The following IL1R1 variants were observed in gnomAD, a reference collection of about 807,000 sequenced individuals.
The protein encoded by IL1R1 is interleukin 1 receptor type 1.
A neutral mutation model predicts 50.2 loss-of-function variants in IL1R1; 22 were observed. The observed-to-expected ratio is 0.44, with a 90% CI of 0.31 to 0.63. The LOEUF is 0.63. Among genes scored for constraint, IL1R1 ranks in the 20% least tolerant of loss-of-function variants. The pLI is 0.07. For synonymous variants in IL1R1, 251 were observed against 236.7 expected, an observed-to-expected ratio of 1.06 and a Z score of -0.55; for missense variants, 509 against 676.2, an observed-to-expected ratio of 0.75 and a Z score of 2.74.
chr2:102,099,077 C>T (rs150273670), intron 1 of IL1R1, among the ~76,000 whole-genome samples: 3 of 152,120 alleles, frequency 2.0e-5, no homozygotes, highest in African/African-American at 4.8e-5. Flanking sequence ...AAAAAGGCAC[C>T]GCGCCCAAAG....
At chr2:102,122,495 T>C (rs528844747) in intron 1 of IL1R1, among the ~76,000 whole-genome samples, 1 of 152,188 alleles carries the variant, frequency 6.6e-6, no homozygotes, top group Non-Finnish European at 1.5e-5. Flanking sequence ...AGCAACTGAA[T>C]CTAAAAAAAA....
chr2:102,137,120 G>C (rs1485765298), intron 1 of IL1R1, among the ~76,000 whole-genome samples: 1 of 152,178 alleles, frequency 6.6e-6, no homozygotes, highest in East Asian at 1.9e-4. Flanking sequence ...TTTGTAATTG[G>C]ACATTGCTCA....
chr2:102,079,438 A>G (rs893854711), intron 1 of IL1R1, among the ~76,000 whole-genome samples: 2 of 152,156 alleles, frequency 1.3e-5, no homozygotes, highest in African/African-American at 4.8e-5. Flanking sequence ...AATTAATTGT[A>G]TTTTTATATA....
chr2:102,086,105 T>G (rs879770899), intron 1 of IL1R1, among the ~76,000 whole-genome samples: 6 of 152,208 alleles, frequency 3.9e-5, no homozygotes, highest in Non-Finnish European at 7.4e-5. Flanking sequence ...ACTGCTAAAC[T>G]TGTTTACTGA....
chr2:102,127,513 C>G (rs1278941666), intron 1 of IL1R1, among the ~76,000 whole-genome samples: 2 of 152,124 alleles, frequency 1.3e-5, no homozygotes, highest in Non-Finnish European at 2.9e-5. Flanking sequence ...AGACCAAAAC[C>G]TACCCTCATG....
At chr2:102,133,515 T>C (rs1482216857) in intron 1 of IL1R1, among the ~76,000 whole-genome samples, 1 of 152,000 alleles carries the variant, frequency 6.6e-6, no homozygotes, top group African/African-American at 2.4e-5. Flanking sequence ...CTAAACAAAA[T>C]AGTAGTAAAT....
intron 1 of IL1R1, among the ~76,000 whole-genome samples, chr2:102,082,599 A>G (rs1449099328): frequency 1.3e-5 from 2 of 151,756 alleles, no homozygotes; most frequent in East Asian, 3.9e-4. Context: ...GGTTTTCTTG[A>G]TTTTTCTTAT....
At chr2:102,115,234 C>T (rs1003091611) in intron 1 of IL1R1, among the ~76,000 whole-genome samples, 12 of 152,074 alleles carry the variant, frequency 7.9e-5, no homozygotes, top group Admixed American at 5.2e-4. Flanking sequence ...AGACAGTTGC[C>T]GAGTCAGTAA....
intron 2 of IL1R1, among the ~76,000 whole-genome samples, chr2:102,154,521 C>T (rs6724850): frequency 1.3e-3 from 191 of 152,266 alleles, no homozygotes; most frequent in African/African-American, 4.4e-3. Flanking sequence ...CTACCTGCCC[C>T]GACCTCAGCG....
At chr2:102,112,381 C>T (rs550016831) in intron 1 of IL1R1, among the ~76,000 whole-genome samples, 3 of 151,522 alleles carry the variant, frequency 2.0e-5, no homozygotes, top group Admixed American at 2.0e-4. Flanking sequence ...GGGGAGGTCT[C>T]AGGAATTGCT....
intron 1 of IL1R1, among the ~76,000 whole-genome samples, chr2:102,108,990 A>T (rs1036091939): frequency 6.7e-6 from 1 of 148,314 alleles, no homozygotes; most frequent in Non-Finnish European, 1.5e-5. Flanking sequence ...ATAATAATAA[A>T]AGCTAATATG....
chr2:102,072,023 G>A (rs551881582), intron 1 of IL1R1, among the ~76,000 whole-genome samples: 4 of 152,250 alleles, frequency 2.6e-5, no homozygotes, highest in African/African-American at 4.8e-5. Flanking sequence ...TTGGGAGGCC[G>A]AAGTGGGGGG....
In IL1R1 at chr2:102,146,927, A is replaced by G. The variant is rs749991111; in HGVS notation, c.-84+3907A>G. On this transcript the variant is annotated intron_variant, in intron 1 of 11. Coordinates refer to ENST00000410023, the MANE Select transcript of IL1R1 (RefSeq NM_000877.4). ...AAATGCTCCCTCAAGGGCCATACCC[A>G]CTCCACTGAGAACCACTGCTTTCCC... 2.6e-5 allele frequency among the ~76,000 whole-genome samples: 4 copies of G among 151,974 alleles called. No individual in the cohort carries two copies. In the East Asian group the frequency reaches 7.7e-4, roughly 29 times the overall value.
chr2:102,157,817 G>A (rs1371086523), intron 3 of IL1R1, 32 bp downstream of exon 3: 2 of 1,410,406 alleles, frequency 1.4e-6, no homozygotes, highest in South Asian at 2.3e-5. Flanking sequence ...GTTCTTGTCT[G>A]CTAAGAAAAT....
At position 102,172,779 on chromosome 2, in the gene IL1R1, C is replaced by A. The variant is rs1194330719; in HGVS notation, c.932C>A (p.Thr311Asn). The A allele has an allele frequency of 6.2e-7, 1 of 1,611,282 alleles. No individual in the cohort carries two copies. The highest frequency in any genetic ancestry group is 8.5e-7 in the Non-Finnish European group (1 of 1,177,694). The stretch of plus-strand genomic sequence containing the variant: ...AGTAGATTTTATAAACATCCATTTA[C>A]CTGTTTTGCCAAGAATACACATGGT... ...IESRFYKHPF[T>N]CFAKNTHGID... is the part of the protein sequence containing the mutation. Residue 311 changes from threonine to asparagine, a missense_variant, in exon 9 of 12, where the codon ACC becomes AAC. Thr to Asn is a moderately conservative substitution (Grantham distance 65). Transcript: ENST00000410023.
rs3917260 is a variant in IL1R1 at position 102,161,421 on chromosome 2, A to G, written c.62-3353A>G. On this transcript the variant is annotated intron_variant, in intron 3 of 11. Transcript: ENST00000410023. ...GTAATGTTCTACTGTTGTTGGTTGG[A>G]ATTTTCTGCAAATATCAATTATGTC... is the stretch of plus-strand genomic sequence containing the variant. Among the ~76,000 whole-genome samples, 715 of 152,292 alleles carry G rather than the reference A, an allele frequency of 4.7e-3. 5 individuals carry two copies. The highest frequency in any genetic ancestry group is 0.016 in the African/African-American group (651 of 41,560).
At position 102,177,820 on chromosome 2, in the gene IL1R1, C is replaced by G. The variant is rs1686267770; in HGVS notation, c.*1061C>G. On this transcript the variant is annotated 3_prime_UTR_variant, in exon 12 of 12. Transcript: ENST00000410023. The stretch of plus-strand genomic sequence containing the variant: ...AGGAACAGCTCCCTAGTGGCTTCCT[C>G]CGTCTGCAATGTCCCTTGCACAGCC... The G allele has an allele frequency of 6.6e-6, 1 of 152,422 alleles. No homozygotes were observed. The highest frequency in any genetic ancestry group is 1.5e-5 in the Non-Finnish European group (1 of 68,122). 9.4% of individuals were successfully genotyped at this position (152,422 alleles called of 1,614,324 possible). A position where few individuals can be genotyped will look rare whatever the true frequency, so the allele number is the denominator to read the frequency against.
At chr2:102,112,038 C>A (rs1463059815) in intron 1 of IL1R1, among the ~76,000 whole-genome samples, 2 of 151,962 alleles carry the variant, frequency 1.3e-5, no homozygotes, top group Admixed American at 1.3e-4. Context: ...AGGAGAGTGT[C>A]TCTATTATGC....
intron 2 of IL1R1, chr2:102,156,004 A>G (rs1261585428): frequency 1.3e-5 from 2 of 152,228 alleles, no homozygotes; most frequent in Non-Finnish European, 2.9e-5. Context: ...TTGTGACTAA[A>G]TGAACCGACA....
Sources: gnomAD v4.1 joint callset for allele counts (sites outside exome capture counted in the v4.1 genomes callset) on GRCh38, gnomAD v4.1.1 for gene constraint, MANE v1.5 for transcripts, NCBI Gene and HGNC (gene_info 2026-07-23, HGNC 2026-07-21) for gene names.